KCNT2: variants seen among roughly 807,000 people sequenced by gnomAD.
KCNT2 encodes potassium channel subfamily T member 2.
KCNT2 carries 67 observed loss-of-function variants against 153.8 expected under a neutral mutation model. The observed-to-expected ratio is 0.44, with a 90% CI of 0.36 to 0.53. KCNT2 has a LOEUF of 0.53. Among genes scored for constraint, KCNT2 ranks in the 20% least tolerant of loss-of-function variants. KCNT2 has a pLI of 0.00. For missense variants in KCNT2, 975 were observed against 1,354.8 expected (o/e 0.72, Z 4.40); for synonymous variants, 500 against 458.8 (o/e 1.09, Z -1.15).
chr1:196,607,131 A>T (rs951449593), intron 1 of KCNT2, among the ~76,000 whole-genome samples: 1 of 152,184 alleles, frequency 6.6e-6, no homozygotes, highest in Non-Finnish European at 1.5e-5. Flanking sequence ...TTGGGAGCTG[A>T]AAAGGTGAAG....
intron 14 of KCNT2, among the ~76,000 whole-genome samples, chr1:196,350,320 C>T (rs976599833): frequency 1.4e-4 from 21 of 152,148 alleles, no homozygotes; most frequent in Non-Finnish European, 2.6e-4. Context: ...TACAGTCCCA[C>T]CAACAGTGTA....
At chr1:196,329,950 C>CATATATAT (rs71154737) in intron 18 of KCNT2, among the ~76,000 whole-genome samples, 1,081 of 73,450 alleles carry the variant, frequency 0.015, 48 homozygotes, top group African/African-American at 0.054. Flanking sequence ...TTCCTCAAGA[C>CATATATAT]ATATATATAT....
chr1:196,578,271 T>A (rs1661606531), intron 1 of KCNT2, among the ~76,000 whole-genome samples: 1 of 151,330 alleles, frequency 6.6e-6, no homozygotes, highest in African/African-American at 2.4e-5. Flanking sequence ...TTGTAACCGA[T>A]CCAGAACGGA....
At chr1:196,459,473 A>G (rs551507638) in intron 8 of KCNT2, among the ~76,000 whole-genome samples, 1 of 152,034 alleles carries the variant, frequency 6.6e-6, no homozygotes, top group Non-Finnish European at 1.5e-5. Flanking sequence ...AGAGAAAAAC[A>G]TGATGGCACT....
At chr1:196,241,782 A>G (rs2102260568) in intron 26 of KCNT2, among the ~76,000 whole-genome samples, 1 of 152,204 alleles carries the variant, frequency 6.6e-6, no homozygotes, top group Admixed American at 6.5e-5. Flanking sequence ...TAATTACTTG[A>G]TACTCAATTT....
intron 1 of KCNT2, among the ~76,000 whole-genome samples, chr1:196,594,139 A>G (rs994121511): frequency 6.6e-6 from 1 of 152,024 alleles, no homozygotes; most frequent in Non-Finnish European, 1.5e-5. Context: ...TGTCAAGCAG[A>G]TTGATGGTTT....
chr1:196,561,182 G>A (rs1005054429), intron 1 of KCNT2, among the ~76,000 whole-genome samples: 6 of 151,082 alleles, frequency 4.0e-5, no homozygotes, highest in Admixed American at 2.6e-4. Context: ...ATCATTCCAC[G>A]ACTTATACAT....
intron 1 of KCNT2, among the ~76,000 whole-genome samples, chr1:196,594,322 T>C (rs1449931560): frequency 6.6e-6 from 1 of 152,184 alleles, no homozygotes; most frequent in Non-Finnish European, 1.5e-5. Flanking sequence ...TACCTTAAAC[T>C]ACAATGCCTA....
intron 21 of KCNT2, among the ~76,000 whole-genome samples, chr1:196,307,490 G>C (rs1661744079): frequency 6.6e-6 from 1 of 152,046 alleles, no homozygotes; most frequent in Admixed American, 6.6e-5. Flanking sequence ...TACCTGGTTG[G>C]TTTTATTCAT....
At chr1:196,503,013 G>T (rs1360075470) in intron 1 of KCNT2, among the ~76,000 whole-genome samples, 1 of 151,632 alleles carries the variant, frequency 6.6e-6, no homozygotes, top group Non-Finnish European at 1.5e-5. Context: ...GAAAAGAAAA[G>T]AAAGAAAAAA....
At chr1:196,486,051 C>T (rs1347215761) in intron 3 of KCNT2, among the ~76,000 whole-genome samples, 3 of 151,832 alleles carry the variant, frequency 2.0e-5, no homozygotes, top group Non-Finnish European at 4.4e-5. Context: ...GCAGATGCAT[C>T]ATCATCAAGT....
At position 196,373,828 on chromosome 1, in the gene KCNT2, A is replaced by G. The variant is rs140300240; in HGVS notation, c.1295-580T>C. Reference sequence around the variant, plus strand: ...TTTGCTAAAATAAATTGAAATTAAAATTGTACTTTAACTCCAAATTCCTAA... The same window carrying G: ...TTTGCTAAAATAAATTGAAATTAAAGTTGTACTTTAACTCCAAATTCCTAA... On this transcript the variant is annotated intron_variant, in intron 13 of 27. Transcript: ENST00000294725. Among the ~76,000 whole-genome samples the G allele has an allele frequency of 2.4e-3, 370 of 152,046 alleles. 11 individuals carry two copies. In the East Asian group the frequency reaches 0.063, roughly 26 times the overall value.
intron 25 of KCNT2, among the ~76,000 whole-genome samples, chr1:196,271,535 T>TAAGTTA (rs1201064910): frequency 6.6e-6 from 1 of 152,008 alleles, no homozygotes; most frequent in Non-Finnish European, 1.5e-5. Context: ...AAACTCTTAT[T>TAAGTTA]AAGTTAAAGT....
At chr1:196,308,120 A>C (rs1021003460) in intron 21 of KCNT2, among the ~76,000 whole-genome samples, 2 of 152,008 alleles carry the variant, frequency 1.3e-5, no homozygotes, top group Non-Finnish European at 2.9e-5. Context: ...TTAAAAAGAA[A>C]AATTAACGGA....
chr1:196,275,016 AT>A (rs895326637), intron 25 of KCNT2, among the ~76,000 whole-genome samples: 16 of 151,898 alleles, frequency 1.1e-4, no homozygotes, highest in African/African-American at 3.6e-4. Context: ...AAAAATTAAT[AT>A]TTCTGCAATG....
chr1:196,478,676 T>G lies in KCNT2; in HGVS notation c.384+503A>C, dbSNP rs114654452. Among the ~76,000 whole-genome samples the G allele has an allele frequency of 2.6e-5, 4 of 152,232 alleles. 1 individual carries two copies. Among genetic ancestry groups the G allele is most frequent in the Admixed American group, 6.5e-5 (1 of 15,278 alleles). ...GCTGCTTGTATTATTATTATCTGTATGATGCTCTGCTGTAACCTCCCCTTT... is the reference window on the plus strand; with the variant it reads ...GCTGCTTGTATTATTATTATCTGTAGGATGCTCTGCTGTAACCTCCCCTTT... On this transcript the variant is annotated intron_variant, in intron 5 of 27. Coordinates refer to ENST00000294725, the MANE Select transcript of KCNT2 (RefSeq NM_198503.5).
intron 25 of KCNT2, among the ~76,000 whole-genome samples, chr1:196,279,777 C>A (rs1340437177): frequency 6.6e-6 from 1 of 151,824 alleles, no homozygotes; most frequent in Non-Finnish European, 1.5e-5. Context: ...CACCAAGAAG[C>A]AACTCAGAAA....
In KCNT2 at chr1:196,429,531, T is replaced by C. The variant is rs1558279819; in HGVS notation, c.819+46A>G. Reference sequence around the variant, plus strand: ...CTTATTAAATGTGGAGGATTCAATTTCATGTCTCTGTACATTTCTATGCAA... The same window carrying C: ...CTTATTAAATGTGGAGGATTCAATTCCATGTCTCTGTACATTTCTATGCAA... On this transcript the variant is annotated intron_variant, in intron 9 of 27. Transcript: ENST00000294725. 3.1e-6 allele frequency: 4 copies of C among 1,291,010 alleles called. No homozygotes were observed. In the South Asian group the frequency reaches 6.7e-5, roughly 22 times the overall value. 80.0% of individuals were successfully genotyped at this position (1,291,010 alleles called of 1,614,324 possible).
At chr1:196,510,554 C>T (rs1681531400) in intron 1 of KCNT2, among the ~76,000 whole-genome samples, 2 of 152,136 alleles carry the variant, frequency 1.3e-5, no homozygotes, top group Admixed American at 1.3e-4. Context: ...TAGAAACTTT[C>T]TGGATACAAT....
Sources: gnomAD v4.1 joint callset for allele counts (sites outside exome capture counted in the v4.1 genomes callset) on GRCh38, gnomAD v4.1.1 for gene constraint, MANE v1.5 for transcripts, NCBI Gene and HGNC (gene_info 2026-07-23, HGNC 2026-07-21) for gene names.